The following FANK1 variants were observed in gnomAD, a reference collection of about 807,000 sequenced individuals.
The protein encoded by FANK1 is fibronectin type III and ankyrin repeat domains 1, also known as fibronectin type 3 and ankyrin repeat domains protein 1.
Under a neutral mutation model 45.3 loss-of-function variants are expected in FANK1, and 44 were observed. The observed-to-expected ratio is 0.97, with a 90% CI of 0.76 to 1.25. The LOEUF is 1.25. FANK1 is among the 50% of genes most tolerant of loss of function. The pLI is 0.00. For synonymous variants in FANK1, 149 were observed against 152.5 expected (o/e 0.98, Z 0.17); for missense variants, 391 against 424.4 (o/e 0.92, Z 0.69).
chr10:125,947,109 G>A (rs1267786006), intron 1 of FANK1, among the ~76,000 whole-genome samples: 4 of 149,570 alleles, frequency 2.7e-5, no homozygotes, highest in Admixed American at 6.6e-5. Flanking sequence ...AGCTCCTGAA[G>A]GAAGCGCTAA....
At position 125,944,402 on chromosome 10, in the gene FANK1, C is replaced by G. The variant is rs1948639412; in HGVS notation, c.14-35759C>G. Among the ~76,000 whole-genome samples, 6 of 152,300 alleles carry G rather than the reference C, an allele frequency of 3.9e-5. No individual in the cohort carries two copies. In the South Asian group the frequency reaches 1.2e-3, roughly 32 times the overall value. ...AAATCTAGAAATCAATTGGGTGATT[C>G]CTAGAAATTTCTGTTACTTGAAGAA... On this transcript the variant is annotated intron_variant, in intron 1 of 10. Transcript: ENST00000368693.
At chr10:125,917,701 T>C (rs1433494329) in intron 1 of FANK1, among the ~76,000 whole-genome samples, 1 of 152,246 alleles carries the variant, frequency 6.6e-6, no homozygotes, top group African/African-American at 2.4e-5. Context: ...AGCCAAGAAA[T>C]TAGAAGGGTG....
At chr10:125,920,981 C>A (rs1402954564) in intron 1 of FANK1, among the ~76,000 whole-genome samples, 6 of 152,178 alleles carry the variant, frequency 3.9e-5, no homozygotes, top group Non-Finnish European at 8.8e-5. Flanking sequence ...TTTGTGTCCA[C>A]CTTCCTGCTT....
intron 1 of FANK1, among the ~76,000 whole-genome samples, chr10:125,975,315 A>C (rs901200838): frequency 4.6e-5 from 7 of 152,166 alleles, no homozygotes; most frequent in Non-Finnish European, 1.5e-5. Context: ...ATTCACATGC[A>C]TGTGTGTTTA....
chr10:125,898,102 G>A (rs1420094442), intron 1 of FANK1, among the ~76,000 whole-genome samples: 14 of 149,216 alleles, frequency 9.4e-5, no homozygotes, highest in Non-Finnish European at 1.3e-4. Context: ...CAGGGGAATC[G>A]CTTGAACCCG....
intron 1 of FANK1, among the ~76,000 whole-genome samples, chr10:125,912,878 G>T (rs561044366): frequency 1.3e-5 from 2 of 152,302 alleles, no homozygotes; most frequent in Middle Eastern, 3.4e-3. Flanking sequence ...CAAGTGATCC[G>T]CCCGTCTCGG....
intron 6 of FANK1, among the ~76,000 whole-genome samples, chr10:126,001,418 G>GA (rs1372520311): frequency 6.6e-6 from 1 of 152,184 alleles, no homozygotes; most frequent in Non-Finnish European, 1.5e-5. Flanking sequence ...GAACAAGAGA[G>GA]AAAAGACGGG....
chr10:125,933,706 C>T (rs906463447), intron 1 of FANK1, among the ~76,000 whole-genome samples: 3 of 151,876 alleles, frequency 2.0e-5, no homozygotes, highest in South Asian at 2.1e-4. Flanking sequence ...CTCTCTAGTT[C>T]CTTGAGGTGT....
intron 1 of FANK1, among the ~76,000 whole-genome samples, chr10:125,964,153 C>G (rs1207328667): frequency 6.9e-6 from 1 of 145,400 alleles, no homozygotes; most frequent in Non-Finnish European, 1.5e-5. Flanking sequence ...TAGTTTTAAT[C>G]AAATATTATG....
At chr10:125,930,158 G>A (rs917918034) in intron 1 of FANK1, among the ~76,000 whole-genome samples, 7 of 150,658 alleles carry the variant, frequency 4.6e-5, no homozygotes, top group African/African-American at 1.5e-4. Flanking sequence ...GGGTTCAAGC[G>A]ATTCTCCTGC....
chr10:125,990,608 T>C (rs1307721969), intron 3 of FANK1, among the ~76,000 whole-genome samples: 1 of 152,146 alleles, frequency 6.6e-6, no homozygotes, highest in African/African-American at 2.4e-5. Flanking sequence ...GGGCTTCAGG[T>C]GGCCTCTAGC....
chr10:125,999,203 T>C (rs1264718986), intron 6 of FANK1, among the ~76,000 whole-genome samples: 2 of 138,860 alleles, frequency 1.4e-5, no homozygotes, highest in Non-Finnish European at 3.0e-5. Flanking sequence ...AGTATCTTTT[T>C]TTTTTTTTTT....
rs536033326 is a variant in FANK1, at chr10:125,994,802, G to A, written c.317-615G>A. 6.5e-5 allele frequency: 64 copies of A among 985,218 alleles called. No individual in the cohort carries two copies. The East Asian group carries it at 5.8e-3, about 89-fold the overall frequency. 61.0% of individuals were successfully genotyped at this position (985,218 alleles called of 1,614,324 possible). A position where few individuals can be genotyped will look rare whatever the true frequency, so the allele number is the denominator to read the frequency against. Reference sequence around the variant, plus strand: ...CTGTACAAAGGATGCCCTCCTCCCCGGCTGTGGCCCATTGTTCTTTTAGGC... The same window carrying A: ...CTGTACAAAGGATGCCCTCCTCCCCAGCTGTGGCCCATTGTTCTTTTAGGC... On this transcript the variant is annotated intron_variant, in intron 3 of 10. Transcript: ENST00000368693.
intron 6 of FANK1, among the ~76,000 whole-genome samples, chr10:126,002,122 C>T (rs1464285523): frequency 6.6e-6 from 1 of 151,654 alleles, no homozygotes; most frequent in Non-Finnish European, 1.5e-5. Context: ...ACCAGCCTGG[C>T]CAGGCTGGTG....
chr10:125,942,490 C>T (rs1025187230), intron 1 of FANK1, among the ~76,000 whole-genome samples: 1 of 152,130 alleles, frequency 6.6e-6, no homozygotes, highest in African/African-American at 2.4e-5. Context: ...GCTGAGAACT[C>T]TCAGCAAATC....
At chr10:125,951,565 G>A (rs1016983189) in intron 1 of FANK1, among the ~76,000 whole-genome samples, 1 of 152,176 alleles carries the variant, frequency 6.6e-6, no homozygotes, top group African/African-American at 2.4e-5. Flanking sequence ...TTTGTTTTCT[G>A]TTGGGAGTAT....
chr10:125,988,680 G>A lies in FANK1; in HGVS notation c.316+5G>A, dbSNP rs1419087229. 3.1e-6 allele frequency: 5 copies of A among 1,614,054 alleles called. No individual in the cohort carries two copies. The African/African-American group carries it at 6.7e-5, about 22-fold the overall frequency. On this transcript the variant is annotated splice_donor_5th_base_variant and intron_variant, in intron 3 of 10. Coordinates refer to ENST00000368693, the MANE Select transcript of FANK1 (RefSeq NM_145235.5). ...TCGTCTCAGTGTCTACAACCAGTGA[G>A]TATTCAGACCGTCCACACTCACCTC...
intron 1 of FANK1, among the ~76,000 whole-genome samples, chr10:125,964,186 C>CGTTTT (rs1950084000): frequency 1.3e-5 from 1 of 78,392 alleles, no homozygotes; most frequent in African/African-American, 5.4e-5. Flanking sequence ...TTCTCTCTCT[C>CGTTTT]TTTTTTTTTT....
At chr10:125,913,732 T>C (rs1188932484) in intron 1 of FANK1, among the ~76,000 whole-genome samples, 2 of 152,228 alleles carry the variant, frequency 1.3e-5, no homozygotes, top group East Asian at 3.8e-4. Flanking sequence ...GGGCAAGTTG[T>C]AGCAGCCCTG....
Sources: allele counts gnomAD v4.1 joint callset (sites outside exome capture counted in the v4.1 genomes callset), GRCh38; gene constraint gnomAD v4.1.1; transcripts MANE v1.5; gene names NCBI Gene and HGNC (gene_info 2026-07-23, HGNC 2026-07-21).